The following RGS5 variants were observed in gnomAD, a reference collection of about 807,000 sequenced individuals.
RGS5 encodes the protein regulator of G protein signaling 5.
In RGS5, 20 loss-of-function variants were observed where a neutral mutation model predicts 18.9. That is an observed-to-expected ratio of 1.06 (90% CI 0.74 to 1.54). RGS5 has a LOEUF of 1.54. Among genes scored for constraint, RGS5 ranks in the 40% most tolerant of loss-of-function variants. The probability of loss-of-function intolerance (pLI) is 0.00; values close to 1 mark genes in which losing one functional copy is unlikely to be tolerated. For synonymous variants in RGS5, 57 were observed against 76.2 expected (o/e 0.75, Z 1.31); for missense variants, 201 against 211.8 (o/e 0.95, Z 0.32).
At chr1:163,268,797 T>C (rs1648639444) in intron 2 of RGS5, among the ~76,000 whole-genome samples, 1 of 152,164 alleles carries the variant, frequency 6.6e-6, no homozygotes, top group Non-Finnish European at 1.5e-5. Flanking sequence ...TTCTGCCTTC[T>C]GACTGGTCTA....
chr1:163,174,910 A>G (rs1658480726), intron 1 of RGS5, among the ~76,000 whole-genome samples: 1 of 152,122 alleles, frequency 6.6e-6, no homozygotes, highest in Non-Finnish European at 1.5e-5. Context: ...GATTTTTACA[A>G]CACATTTCCA....
At chr1:163,186,674 GATAAA>G (rs770399032) in intron 1 of RGS5, among the ~76,000 whole-genome samples, 4 of 151,730 alleles carry the variant, frequency 2.6e-5, no homozygotes, top group Non-Finnish European at 2.9e-5. Flanking sequence ...AAGTTCATCT[GATAAA>G]ATAAAATGAA....
At chr1:163,291,711 C>T (rs191641562) in intron 2 of RGS5, among the ~76,000 whole-genome samples, 1 of 152,240 alleles carries the variant, frequency 6.6e-6, no homozygotes, top group African/African-American at 2.4e-5. Context: ...CCAGCTTAGA[C>T]TCCCTATGAT....
intron 2 of RGS5, among the ~76,000 whole-genome samples, chr1:163,165,900 C>T (rs569476147): frequency 1.0e-5 from 1 of 99,650 alleles, no homozygotes; most frequent in African/African-American, 3.8e-5. Context: ...AGCGAAATTC[C>T]GTCTCAAAAA....
intron 2 of RGS5, among the ~76,000 whole-genome samples, chr1:163,163,039 C>CGGGG (rs148165074): frequency 1.5e-5 from 2 of 131,980 alleles, no homozygotes; most frequent in African/African-American, 6.6e-5. Context: ...AATGATATTT[C>CGGGG]GGGGGGGGGG....
chr1:163,163,798 TC>T (rs1657913665), intron 2 of RGS5, among the ~76,000 whole-genome samples: 5 of 152,298 alleles, frequency 3.3e-5, no homozygotes, highest in Admixed American at 2.0e-4. Flanking sequence ...AGAAAGTAGC[TC>T]AGAGCAAGAG....
At chr1:163,228,499 G>A (rs1001751791) in intron 2 of RGS5, among the ~76,000 whole-genome samples, 1 of 152,178 alleles carries the variant, frequency 6.6e-6, no homozygotes, top group African/African-American at 2.4e-5. Context: ...ACCCGGCCCA[G>A]GACACCATTT....
chr1:163,187,192 G>T (rs982432469), intron 1 of RGS5, among the ~76,000 whole-genome samples: 1 of 152,096 alleles, frequency 6.6e-6, no homozygotes, highest in African/African-American at 2.4e-5. Context: ...TACTTAGTGG[G>T]TCCAGAAGAT....
At chr1:163,321,540 T>C (rs548058825) in intron 1 of RGS5, 2 of 152,362 alleles carry the variant, frequency 1.3e-5, no homozygotes, top group South Asian at 4.1e-4. Context: ...CTAAATGAGA[T>C]GATGCTTATA....
chr1:163,281,522 G>A (rs6687623), intron 2 of RGS5, among the ~76,000 whole-genome samples: 10,156 of 151,958 alleles, frequency 0.067, 343 homozygotes, highest in South Asian at 0.094. Context: ...GTAAACTAAT[G>A]CAAGAACTCA....
At chr1:163,164,066 C>G (rs145667216) in intron 2 of RGS5, among the ~76,000 whole-genome samples, 1 of 152,116 alleles carries the variant, frequency 6.6e-6, no homozygotes. Context: ...GTGCAGAGCC[C>G]GCTTGGGGGT....
chr1:163,231,023 G>A (rs1459589138), intron 2 of RGS5, among the ~76,000 whole-genome samples: 1 of 152,182 alleles, frequency 6.6e-6, no homozygotes, highest in Non-Finnish European at 1.5e-5. Context: ...TTGTCTGACT[G>A]GCAAAGTCAA....
At chr1:163,191,404 A>G (rs191780463) in intron 1 of RGS5, among the ~76,000 whole-genome samples, 71 of 152,314 alleles carry the variant, frequency 4.7e-4, no homozygotes, top group Admixed American at 4.0e-3. Context: ...AGACCAAGGA[A>G]CACACAGTAT....
At chr1:163,243,963 C>G (rs1468718277) in intron 2 of RGS5, among the ~76,000 whole-genome samples, 1 of 152,092 alleles carries the variant, frequency 6.6e-6, no homozygotes, top group Admixed American at 6.6e-5. Flanking sequence ...TAATTAAACT[C>G]TAATATAAAA....
intron 4 of RGS5, among the ~76,000 whole-genome samples, chr1:163,148,881 G>T (rs1472146112): frequency 2.0e-5 from 3 of 152,230 alleles, no homozygotes; most frequent in Non-Finnish European, 4.4e-5. Flanking sequence ...TCAGCCTATG[G>T]TTGTGAATTG....
intron 1 of RGS5, among the ~76,000 whole-genome samples, chr1:163,176,723 C>T (rs570223392): frequency 5.7e-4 from 86 of 152,140 alleles, no homozygotes; most frequent in Admixed American, 9.8e-4. Context: ...TTACTGAATG[C>T]CTACCACATG....
chr1:163,247,765 C>A (rs1647985370), intron 2 of RGS5, among the ~76,000 whole-genome samples: 1 of 152,018 alleles, frequency 6.6e-6, no homozygotes, highest in Non-Finnish European at 1.5e-5. Context: ...TTACAATGTT[C>A]TCTCATAGAG....
At chr1:163,243,837 C>T (rs1180818677) in intron 2 of RGS5, among the ~76,000 whole-genome samples, 1 of 149,632 alleles carries the variant, frequency 6.7e-6, no homozygotes, top group East Asian at 2.0e-4. Flanking sequence ...CACATACACA[C>T]ATTGGTTTGG....
chr1:163,167,770 C>T (rs1571230227), intron 2 of RGS5, among the ~76,000 whole-genome samples: 2 of 152,144 alleles, frequency 1.3e-5, no homozygotes, highest in East Asian at 1.9e-4. Flanking sequence ...GGAGAAGGAA[C>T]GATTAGGCTG....
Sources: gnomAD v4.1 joint callset for allele counts (sites outside exome capture counted in the v4.1 genomes callset) on GRCh38, gnomAD v4.1.1 for gene constraint, MANE v1.5 for transcripts, NCBI Gene and HGNC (gene_info 2026-07-23, HGNC 2026-07-21) for gene names.